DDC: variants seen among roughly 807,000 people sequenced by gnomAD.
DDC encodes dopa decarboxylase, also known as aromatic-L-amino-acid decarboxylase.
DDC carries 43 observed loss-of-function variants against 60.0 expected under a neutral mutation model. The ratio of observed to expected loss-of-function variants is 0.72; its 90% CI spans 0.56 to 0.92. The LOEUF is 0.92. DDC is among the 40% of genes least tolerant of loss of function. The pLI is 0.00. For synonymous variants in DDC, 232 were observed against 234.6 expected, an observed-to-expected ratio of 0.99 and a Z score of 0.10; for missense variants, 573 against 620.2, an observed-to-expected ratio of 0.92 and a Z score of 0.81.
chr7:50,540,054 T>G (rs772401029), intron 2 of DDC, 26 bp from the exon 3 acceptor site: 1 of 1,572,372 alleles, frequency 6.4e-7, no homozygotes, highest in African/African-American at 1.4e-5. Flanking sequence ...GAGCAGCTGC[T>G]GAGGAGTGAG....
intron 9 of DDC, among the ~76,000 whole-genome samples, chr7:50,481,541 A>C (rs1170606156): frequency 6.6e-6 from 1 of 152,174 alleles, no homozygotes; most frequent in Non-Finnish European, 1.5e-5. Flanking sequence ...CTGTTTTTTA[A>C]TTTAAAAAAT....
intron 11 of DDC, 114 bp from the exon 12 acceptor site, chr7:50,470,285 A>T (rs3757472): frequency 1.3e-6 from 1 of 786,352 alleles, no homozygotes; most frequent in East Asian, 2.5e-5. Context: ...CTGGTGGCCA[A>T]CCTGCTCCCA....
intron 1 of DDC, among the ~76,000 whole-genome samples, chr7:50,562,228 C>T (rs2045357252): frequency 6.6e-6 from 1 of 152,162 alleles, no homozygotes; most frequent in Non-Finnish European, 1.5e-5. Flanking sequence ...GGGGACCTGG[C>T]AGGTGGTACA....
intron 6 of DDC, among the ~76,000 whole-genome samples, chr7:50,526,198 T>C (rs1234986195): frequency 6.6e-6 from 1 of 152,172 alleles, no homozygotes; most frequent in Non-Finnish European, 1.5e-5. Flanking sequence ...GAAGGAAATG[T>C]CATATTTTTG....
intron 9 of DDC, among the ~76,000 whole-genome samples, chr7:50,480,309 G>A (rs1202159041): frequency 6.6e-6 from 1 of 152,194 alleles, no homozygotes; most frequent in African/African-American, 2.4e-5. Context: ...TCATGATGCT[G>A]GGATGGTGGC....
intron 3 of DDC, among the ~76,000 whole-genome samples, chr7:50,538,572 C>T (rs897689429): frequency 1.3e-5 from 2 of 152,248 alleles, no homozygotes; most frequent in African/African-American, 4.8e-5. Context: ...AGAGTGCATT[C>T]TCCCTTCTGG....
chr7:50,560,472 T>C (rs2045317318), intron 1 of DDC, among the ~76,000 whole-genome samples: 1 of 152,150 alleles, frequency 6.6e-6, no homozygotes, highest in Non-Finnish European at 1.5e-5. Context: ...CTTTATAAAA[T>C]CAAACCTGGT....
intron 4 of DDC, among the ~76,000 whole-genome samples, chr7:50,536,577 C>T (rs998377429): frequency 1.3e-5 from 2 of 152,220 alleles, no homozygotes; most frequent in Non-Finnish European, 1.5e-5. Context: ...GGCAAGGAAG[C>T]AGATTCACCC....
chr7:50,516,285 C>T (rs1295620259), intron 6 of DDC, among the ~76,000 whole-genome samples: 2 of 152,096 alleles, frequency 1.3e-5, no homozygotes, highest in African/African-American at 2.4e-5. Context: ...CTTTCAAAAC[C>T]ATGCAAATAC....
At chr7:50,563,857 C>G (rs2045386465) in intron 1 of DDC, 1 of 152,224 alleles carries the variant, frequency 6.6e-6, no homozygotes. Context: ...CCGCCTTAGC[C>G]TCCCCAAATG....
chr7:50,498,501 G>A (rs774391592), intron 8 of DDC, among the ~76,000 whole-genome samples: 52 of 152,268 alleles, frequency 3.4e-4, no homozygotes, highest in African/African-American at 7.2e-4. Context: ...ATGAAATCCC[G>A]CTTGAGTCTG....
chr7:50,553,182 C>A (rs983161399), intron 1 of DDC, among the ~76,000 whole-genome samples: 6 of 152,198 alleles, frequency 3.9e-5, no homozygotes, highest in Non-Finnish European at 8.8e-5. Flanking sequence ...GTCCATGGTA[C>A]TGCCTGTTCA....
chr7:50,483,753 A>C (rs2153536951), intron 9 of DDC, among the ~76,000 whole-genome samples: 1 of 152,156 alleles, frequency 6.6e-6, no homozygotes, highest in Admixed American at 6.5e-5. Flanking sequence ...ATACAAAAAA[A>C]ATTAGCTGGG....
intron 3 of DDC, 54 bp downstream of exon 3, chr7:50,539,861 C>T: frequency 7.1e-7 from 1 of 1,405,294 alleles, no homozygotes; most frequent in East Asian, 2.3e-5. Flanking sequence ...GTGTCCCCAC[C>T]CCGGGATCCC....
intron 10 of DDC, 142 bp from the exon 11 acceptor site, chr7:50,476,785 T>G (rs2042656577): frequency 1.4e-6 from 1 of 737,298 alleles, no homozygotes; most frequent in Non-Finnish European, 2.3e-6. Flanking sequence ...GTCTGGGTGT[T>G]CTTTGCGGCA....
chr7:50,539,700 G>T, intron 3 of DDC: 1 of 555,584 alleles, frequency 1.8e-6, no homozygotes, highest in Non-Finnish European at 3.3e-6. Context: ...GTGCAGAATG[G>T]GCTTTGAGTT....
chr7:50,504,121 A>C, intron 6 of DDC, 62 bp from the exon 7 acceptor site: 15 of 1,157,240 alleles, frequency 1.3e-5, no homozygotes, highest in Non-Finnish European at 1.8e-5. Flanking sequence ...TGTAACCTCC[A>C]CACAAGCAAC....
chr7:50,561,514 G>A (rs1025033023), intron 1 of DDC, among the ~76,000 whole-genome samples: 5 of 152,306 alleles, frequency 3.3e-5, no homozygotes, highest in Admixed American at 6.5e-5. Context: ...CCCCAGATGA[G>A]AAAGTGAAGT....
chr7:50,536,257 C>T (rs1224435385), intron 4 of DDC, among the ~76,000 whole-genome samples: 3 of 152,138 alleles, frequency 2.0e-5, no homozygotes, highest in Non-Finnish European at 4.4e-5. Context: ...GACCTGAAAG[C>T]CCCCTCCCTG....
Sources: allele counts gnomAD v4.1 joint callset (sites outside exome capture counted in the v4.1 genomes callset), GRCh38; gene constraint gnomAD v4.1.1; transcripts MANE v1.5; gene names NCBI Gene and HGNC (gene_info 2026-07-23, HGNC 2026-07-21).